TSPAN5: variants seen among roughly 807,000 people sequenced by gnomAD.
TSPAN5 encodes tetraspanin-5.
TSPAN5 carries 10 observed loss-of-function variants against 37.1 expected under a neutral mutation model. That is an observed-to-expected ratio of 0.27 (90% CI 0.17 to 0.46). TSPAN5 has a LOEUF of 0.46. Among genes scored for constraint, TSPAN5 ranks in the 20% least tolerant of loss-of-function variants. The pLI, the probability that TSPAN5 is intolerant of heterozygous loss-of-function variation, is 1.00. For synonymous variants in TSPAN5, 110 were observed against 118.9 expected, an observed-to-expected ratio of 0.93 and a Z score of 0.48; for missense variants, 195 against 326.6, an observed-to-expected ratio of 0.60 and a Z score of 3.11.
At chr4:98,585,750 T>A (rs1037526745) in intron 1 of TSPAN5, among the ~76,000 whole-genome samples, 4 of 152,210 alleles carry the variant, frequency 2.6e-5, no homozygotes, top group African/African-American at 9.6e-5. Flanking sequence ...TGCTGCAAGA[T>A]GTGTTAAGAA....
intron 2 of TSPAN5, among the ~76,000 whole-genome samples, chr4:98,488,330 G>A (rs548447422): frequency 4.6e-5 from 7 of 152,274 alleles, no homozygotes; most frequent in African/African-American, 7.2e-5. Context: ...TTGGAGAAGC[G>A]TATTTCGTTT....
At chr4:98,656,694 A>T (rs4699664) in intron 1 of TSPAN5, among the ~76,000 whole-genome samples, 17,132 of 152,176 alleles carry the variant, frequency 0.11, 1,627 homozygotes, top group African/African-American at 0.26. Context: ...TCCCCTCATT[A>T]TCTTTATTAG....
chr4:98,653,649 A>G (rs1757237804), intron 1 of TSPAN5, among the ~76,000 whole-genome samples: 1 of 152,172 alleles, frequency 6.6e-6, no homozygotes, highest in African/African-American at 2.4e-5. Context: ...CCCTGTATGG[A>G]ACCAGTATAA....
intron 1 of TSPAN5, among the ~76,000 whole-genome samples, chr4:98,608,953 GGC>G (rs1310501932): frequency 6.6e-6 from 1 of 152,104 alleles, no homozygotes; most frequent in African/African-American, 2.4e-5. Context: ...ACTAACACAT[GGC>G]ACTTATTTCT....
intron 1 of TSPAN5, among the ~76,000 whole-genome samples, chr4:98,608,671 A>G (rs1348705570): frequency 6.6e-6 from 1 of 152,206 alleles, no homozygotes; most frequent in Non-Finnish European, 1.5e-5. Context: ...AGAAAAAAAA[A>G]GAAAATCCAC....
chr4:98,575,329 A>G (rs1214541676), intron 1 of TSPAN5, among the ~76,000 whole-genome samples: 1 of 151,668 alleles, frequency 6.6e-6, no homozygotes, highest in Non-Finnish European at 1.5e-5. Context: ...AAAGTATTTG[A>G]GCACATAGTA....
At chr4:98,534,931 A>G (rs142739662) in intron 1 of TSPAN5, among the ~76,000 whole-genome samples, 3,402 of 152,262 alleles carry the variant, frequency 0.022, 64 homozygotes, top group Non-Finnish European at 0.033. Context: ...GTGTCTTTGC[A>G]TGTGAGTTGG....
intron 2 of TSPAN5, among the ~76,000 whole-genome samples, chr4:98,487,388 A>AC (rs1752993035): frequency 6.6e-6 from 1 of 152,130 alleles, no homozygotes; most frequent in Non-Finnish European, 1.5e-5. Context: ...ATGTATAAAA[A>AC]ACACACACAC....
intron 1 of TSPAN5, among the ~76,000 whole-genome samples, chr4:98,605,111 T>A (rs528994506): frequency 6.6e-6 from 1 of 152,380 alleles, no homozygotes; most frequent in South Asian, 2.1e-4. Flanking sequence ...TGGTAAGTTA[T>A]TGCTTATGTG....
At chr4:98,479,309 C>A (rs926843704) in intron 4 of TSPAN5, among the ~76,000 whole-genome samples, 3 of 152,028 alleles carry the variant, frequency 2.0e-5, no homozygotes, top group Non-Finnish European at 4.4e-5. Flanking sequence ...CAGGGAGACC[C>A]CCTGAAACTA....
chr4:98,520,885 T>C (rs1275582861), intron 1 of TSPAN5, among the ~76,000 whole-genome samples: 1 of 150,834 alleles, frequency 6.6e-6, no homozygotes, highest in Non-Finnish European at 1.5e-5. Flanking sequence ...TGGTGCCTAT[T>C]TCCAGAAGAG....
chr4:98,472,349 C>A lies in TSPAN5; in HGVS notation c.*173G>T. On this transcript the variant is annotated 3_prime_UTR_variant, in exon 8 of 8. Transcript: ENST00000305798. ...ATACTGGTTATTTTTTTTTTTAATT[C>A]TGTCAGTGAGCAGCATTTCCCAGTT... 1.8e-5 allele frequency: 8 copies of A among 448,198 alleles called. No homozygotes were observed. The highest frequency in any genetic ancestry group is 1.2e-4 in the Admixed American group (3 of 24,056). 27.8% of individuals were successfully genotyped at this position (448,198 alleles called of 1,614,324 possible).
chr4:98,617,000 T>A (rs1756357491), intron 1 of TSPAN5, among the ~76,000 whole-genome samples: 1 of 152,032 alleles, frequency 6.6e-6, no homozygotes, highest in Non-Finnish European at 1.5e-5. Flanking sequence ...ATTCTTTTTA[T>A]TTTTTGTAGA....
intron 1 of TSPAN5, among the ~76,000 whole-genome samples, chr4:98,541,292 C>G (rs1754350898): frequency 6.6e-6 from 1 of 152,186 alleles, no homozygotes. Flanking sequence ...CCTTCCTGCT[C>G]TCTTGGCAAA....
chr4:98,599,040 C>T (rs973523947), intron 1 of TSPAN5, among the ~76,000 whole-genome samples: 7 of 152,110 alleles, frequency 4.6e-5, no homozygotes, highest in Admixed American at 2.0e-4. Flanking sequence ...ACACACAATC[C>T]AGAGGCTATT....
intron 1 of TSPAN5, among the ~76,000 whole-genome samples, chr4:98,570,223 G>A (rs1755089828): frequency 1.3e-5 from 2 of 152,164 alleles, no homozygotes; most frequent in East Asian, 1.9e-4. Flanking sequence ...CCCTATAAGT[G>A]GTAAAAAACA....
intron 1 of TSPAN5, among the ~76,000 whole-genome samples, chr4:98,582,925 G>C (rs1003311463): frequency 6.6e-6 from 1 of 152,168 alleles, no homozygotes; most frequent in African/African-American, 2.4e-5. Flanking sequence ...GTTATGAGTT[G>C]TGAATTCCCT....
intron 2 of TSPAN5, among the ~76,000 whole-genome samples, chr4:98,492,028 G>C (rs1240982983): frequency 1.3e-5 from 2 of 152,098 alleles, no homozygotes; most frequent in Admixed American, 6.6e-5. Flanking sequence ...AGTCTTCTGG[G>C]AACCTGAGGC....
intron 1 of TSPAN5, among the ~76,000 whole-genome samples, chr4:98,643,409 C>T (rs11097627): frequency 0.12 from 18,244 of 152,066 alleles, 1,313 homozygotes; most frequent in South Asian, 0.3. Context: ...CGATACATGA[C>T]TGTACTTTTT....
Sources: allele counts gnomAD v4.1 joint callset (sites outside exome capture counted in the v4.1 genomes callset), GRCh38; gene constraint gnomAD v4.1.1; transcripts MANE v1.5; gene names NCBI Gene and HGNC (gene_info 2026-07-23, HGNC 2026-07-21).